The following TFEC variants were observed in gnomAD, a reference collection of about 807,000 sequenced individuals.
The protein encoded by TFEC is transcription factor EC.
TFEC carries 31 observed loss-of-function variants against 41.6 expected under a neutral mutation model. The ratio of observed to expected loss-of-function variants is 0.74; its 90% confidence interval spans 0.56 to 1.01. TFEC has a LOEUF of 1.01. Ranked by LOEUF, TFEC falls within the 50% of genes least tolerant of loss-of-function variation. The pLI, the probability that TFEC is intolerant of heterozygous loss-of-function variation, is 0.00. For missense variants in TFEC, 402 were observed against 404.1 expected (o/e 0.99, Z 0.04); for synonymous variants, 143 against 140.6 (o/e 1.02, Z -0.12).
At chr7:115,961,286 C>A (rs1792534092) in intron 3 of TFEC, among the ~76,000 whole-genome samples, 1 of 151,318 alleles carries the variant, frequency 6.6e-6, no homozygotes, top group Admixed American at 6.6e-5. Flanking sequence ...GAGTGATTGC[C>A]AAAATATTTT....
chr7:116,034,746 C>T (rs1795871221), upstream of TFEC, among the ~76,000 whole-genome samples: 1 of 151,630 alleles, frequency 6.6e-6, no homozygotes, highest in South Asian at 2.1e-4. Context: ...AAACTCAAAG[C>T]TGATCATGTA....
Position 115,972,215 on chromosome 7 carries a change from T to C in TFEC, c.267+1955A>G, listed in dbSNP as rs577763166. Among the ~76,000 whole-genome samples the C allele has an allele frequency of 3.3e-5, 5 of 152,218 alleles. No individual in the cohort carries two copies. In the South Asian group the frequency reaches 6.2e-4, roughly 19 times the overall value. ...ATAACTATATTTCAAACATCACCTC[T>C]TTCTAAAGGACTTCCAAAAATTCTC... On this transcript the variant is annotated intron_variant, in intron 3 of 7. Coordinates refer to ENST00000265440, the MANE Select transcript of TFEC (RefSeq NM_012252.4).
intron 2 of TFEC, among the ~76,000 whole-genome samples, chr7:115,974,627 G>A (rs532300918): frequency 1.0e-4 from 15 of 150,248 alleles, no homozygotes; most frequent in South Asian, 2.1e-4. Flanking sequence ...AATATCTCAA[G>A]GCAGATAGGG....
chr7:116,094,887 G>A (rs7798334), intron 3 of TFEC, among the ~76,000 whole-genome samples: 2,102 of 152,192 alleles, frequency 0.014, 44 homozygotes, highest in African/African-American at 0.049. Flanking sequence ...CCTTTATGCT[G>A]TAAATTGAAG....
chr7:115,978,631 T>G (rs1220130039), intron 2 of TFEC, among the ~76,000 whole-genome samples: 1 of 152,196 alleles, frequency 6.6e-6, no homozygotes, highest in Non-Finnish European at 1.5e-5. Context: ...CAAAATAGAA[T>G]GGCTTCTGCT....
At chr7:115,946,422 T>C (rs2130276246) in intron 6 of TFEC, among the ~76,000 whole-genome samples, 1 of 150,590 alleles carries the variant, frequency 6.6e-6, no homozygotes, top group South Asian at 2.2e-4. Flanking sequence ...TGTGTGTGTG[T>C]GTGTGTGTGT....
intron 1 of TFEC, among the ~76,000 whole-genome samples, chr7:115,991,471 C>T (rs1405021651): frequency 6.6e-6 from 1 of 152,112 alleles, no homozygotes. Context: ...GTGCTGTATT[C>T]AGGAGACCCA....
intron 3 of TFEC, among the ~76,000 whole-genome samples, chr7:116,078,226 T>A (rs1050866486): frequency 2.6e-5 from 4 of 151,574 alleles, no homozygotes; most frequent in Non-Finnish European, 4.4e-5. Flanking sequence ...AATTCCTTCA[T>A]CAAAGAGTAT....
At chr7:116,040,348 A>G (rs1441884897) in intron 3 of TFEC, among the ~76,000 whole-genome samples, 1 of 152,190 alleles carries the variant, frequency 6.6e-6, no homozygotes, top group Non-Finnish European at 1.5e-5. Context: ...ACACACATAT[A>G]TAACTAGAAA....
At position 115,991,883 on chromosome 7, in the gene TFEC, C is replaced by T. The variant is rs181273152; in HGVS notation, c.-72-7370G>A. ...TAACAGATATCTACAGAACTCTCCACCTTAAATCAACAGAATATACATTCT... is the reference window on the plus strand; with the variant it reads ...TAACAGATATCTACAGAACTCTCCATCTTAAATCAACAGAATATACATTCT... On this transcript the variant is annotated intron_variant, in intron 1 of 7. Coordinates refer to ENST00000265440, the MANE Select transcript of TFEC (RefSeq NM_012252.4). Among the ~76,000 whole-genome samples the T allele has an allele frequency of 2.0e-5, 3 of 152,312 alleles. No individual in the cohort carries two copies. The East Asian group carries it at 5.8e-4, about 29-fold the overall frequency.
At chr7:116,085,927 T>C (rs1797193945) in intron 3 of TFEC, among the ~76,000 whole-genome samples, 1 of 151,922 alleles carries the variant, frequency 6.6e-6, no homozygotes, top group South Asian at 2.1e-4. Flanking sequence ...TTCATAAGAT[T>C]CTCTAACATT....
chr7:115,938,588 G>C lies in TFEC; in HGVS notation c.*1963C>G, dbSNP rs1237763372. On this transcript the variant is annotated 3_prime_UTR_variant, in exon 8 of 8. Transcript: ENST00000265440. ...ATTCTGAGCAAATGATACAAGCTAA[G>C]CCTGAGATAATTATTATACCATAAT... 1 of 151,738 alleles carries C rather than the reference G, an allele frequency of 6.6e-6. No homozygotes were observed. The highest frequency in any genetic ancestry group is 1.9e-4 in the East Asian group (1 of 5,162). The allele number at this position is 151,738 out of a possible 1,614,324, so 9.4% of individuals were successfully genotyped here. A position where few individuals can be genotyped will look rare whatever the true frequency, so the allele number is the denominator to read the frequency against.
intron 1 of TFEC, among the ~76,000 whole-genome samples, chr7:116,133,386 C>T (rs980174670): frequency 1.3e-5 from 2 of 152,064 alleles, no homozygotes; most frequent in African/African-American, 2.4e-5. Context: ...CCCATCTCTA[C>T]TAAGAATACA....
chr7:116,137,355 A>G (rs773403794), intron 1 of TFEC, among the ~76,000 whole-genome samples: 4 of 152,112 alleles, frequency 2.6e-5, no homozygotes, highest in Non-Finnish European at 5.9e-5. Flanking sequence ...CTAAATCCTC[A>G]AGGGAAAGAA....
At chr7:116,037,327 C>T (rs572195743) in intron 3 of TFEC, among the ~76,000 whole-genome samples, 66 of 152,024 alleles carry the variant, frequency 4.3e-4, no homozygotes, top group Admixed American at 1.3e-3. Flanking sequence ...AACTTAGCTT[C>T]CCTCCTAAAA....
chr7:116,002,818 A>T (rs1028834927), intron 1 of TFEC, among the ~76,000 whole-genome samples: 5 of 152,192 alleles, frequency 3.3e-5, no homozygotes, highest in Non-Finnish European at 5.9e-5. Flanking sequence ...CACAAACATT[A>T]AAACTTTAAA....
intron 3 of TFEC, among the ~76,000 whole-genome samples, chr7:115,970,843 C>A (rs1319368970): frequency 1.3e-5 from 2 of 151,868 alleles, no homozygotes; most frequent in Non-Finnish European, 2.9e-5. Context: ...AGGCCCTCAC[C>A]AGAAGCAGAT....
chr7:116,112,895 T>C (rs73719111), intron 1 of TFEC, among the ~76,000 whole-genome samples: 22,952 of 151,956 alleles, frequency 0.15, 1,774 homozygotes, highest in East Asian at 0.26. Flanking sequence ...GAAAAACTTA[T>C]TAAAAATAGG....
At chr7:116,045,885 C>T (rs1056226656) in intron 3 of TFEC, among the ~76,000 whole-genome samples, 4 of 152,222 alleles carry the variant, frequency 2.6e-5, no homozygotes, top group Non-Finnish European at 5.9e-5. Flanking sequence ...CTTCAATCAG[C>T]ATGACCTGGA....
Sources: gnomAD v4.1 joint callset for allele counts (sites outside exome capture counted in the v4.1 genomes callset) on GRCh38, gnomAD v4.1.1 for gene constraint, MANE v1.5 for transcripts, NCBI Gene and HGNC (gene_info 2026-07-23, HGNC 2026-07-21) for gene names.